The following DACH1 variants were observed in gnomAD, a reference collection of about 807,000 sequenced individuals.
DACH1 encodes the protein dachshund family transcription factor 1.
DACH1 carries 12 observed loss-of-function variants against 54.2 expected under a neutral mutation model. That is an observed-to-expected ratio of 0.22 (90% CI 0.14 to 0.36). The LOEUF is 0.36. Ranked by LOEUF, DACH1 falls within the 10% of genes least tolerant of loss-of-function variation. The pLI is 1.00. For missense variants in DACH1, 805 were observed against 929.8 expected (o/e 0.87, Z 1.75); for synonymous variants, 386 against 366.2 (o/e 1.05, Z -0.62).
intron 6 of DACH1, among the ~76,000 whole-genome samples, chr13:71,523,163 T>TAACA (rs1187487933): frequency 1.3e-5 from 2 of 152,112 alleles, no homozygotes; most frequent in African/African-American, 2.4e-5. Flanking sequence ...TATCAAATCC[T>TAACA]AACAGGTCAC....
intron 1 of DACH1, among the ~76,000 whole-genome samples, chr13:71,723,744 G>A (rs944039923): frequency 2.0e-5 from 3 of 152,130 alleles, no homozygotes; most frequent in African/African-American, 4.8e-5. Context: ...AGTCTGAAGT[G>A]CAGTGGTGCT....
chr13:71,563,810 A>C (rs1167354248), intron 4 of DACH1, among the ~76,000 whole-genome samples: 1 of 151,614 alleles, frequency 6.6e-6, no homozygotes, highest in South Asian at 2.1e-4. Flanking sequence ...AGAACAAAGG[A>C]TACAAAAACA....
chr13:71,846,537 C>G (rs1181076140), intron 1 of DACH1, among the ~76,000 whole-genome samples: 1 of 152,026 alleles, frequency 6.6e-6, no homozygotes, highest in African/African-American at 2.4e-5. Context: ...GGCTGAGGCC[C>G]GAGAATCACT....
intron 6 of DACH1, among the ~76,000 whole-genome samples, chr13:71,517,639 G>C (rs191592716): frequency 1.2e-3 from 189 of 151,978 alleles, no homozygotes; most frequent in African/African-American, 4.4e-3. Context: ...GTAGTCCAAT[G>C]TTCACTGGAA....
At chr13:71,609,490 T>A (rs1340870558) in intron 3 of DACH1, among the ~76,000 whole-genome samples, 1 of 152,194 alleles carries the variant, frequency 6.6e-6, no homozygotes, top group Non-Finnish European at 1.5e-5. Flanking sequence ...ATATTAGTCA[T>A]TTGTTTTAGT....
At chr13:71,453,418 A>G (rs2138121786) in intron 10 of DACH1, among the ~76,000 whole-genome samples, 1 of 152,268 alleles carries the variant, frequency 6.6e-6, no homozygotes, top group South Asian at 2.1e-4. Context: ...ATTCATTTCA[A>G]GCCTTTATAT....
chr13:71,584,875 A>G (rs1383865416), intron 3 of DACH1, among the ~76,000 whole-genome samples: 1 of 152,108 alleles, frequency 6.6e-6, no homozygotes, highest in Non-Finnish European at 1.5e-5. Flanking sequence ...ATGCAGTCAT[A>G]TAAACTAGCA....
intron 1 of DACH1, among the ~76,000 whole-genome samples, chr13:71,816,895 C>CTCAGG (rs1476107132): frequency 6.6e-6 from 1 of 151,884 alleles, no homozygotes; most frequent in Non-Finnish European, 1.5e-5. Context: ...AAACAACACA[C>CTCAGG]TCAGGTCTTT....
intron 3 of DACH1, among the ~76,000 whole-genome samples, chr13:71,606,942 A>G (rs1266191053): frequency 6.6e-6 from 1 of 152,018 alleles, no homozygotes; most frequent in African/African-American, 2.4e-5. Flanking sequence ...TGAAGTAGTG[A>G]GCCTTTTGAT....
chr13:71,559,640 T>A (rs1004218659), intron 5 of DACH1, among the ~76,000 whole-genome samples, 180 bp downstream of exon 5: 1 of 152,178 alleles, frequency 6.6e-6, no homozygotes, highest in African/African-American at 2.4e-5. Context: ...CCTGTTAATG[T>A]AGTATCATAC....
At chr13:71,471,904 A>G (rs947360377) in intron 10 of DACH1, among the ~76,000 whole-genome samples, 1 of 152,224 alleles carries the variant, frequency 6.6e-6, no homozygotes, top group Admixed American at 6.5e-5. Context: ...ATGTGCATAT[A>G]TATGTGTAGG....
chr13:71,499,959 A>G (rs966126343), intron 6 of DACH1, among the ~76,000 whole-genome samples: 4 of 152,156 alleles, frequency 2.6e-5, no homozygotes, highest in African/African-American at 9.7e-5. Context: ...TAAACATTCC[A>G]CAGCTCTAAA....
chr13:71,509,523 A>G (rs968710314), intron 6 of DACH1, among the ~76,000 whole-genome samples: 1 of 152,130 alleles, frequency 6.6e-6, no homozygotes, highest in Non-Finnish European at 1.5e-5. Flanking sequence ...GGAGTCAAAG[A>G]GGTGGTAAAA....
intron 1 of DACH1, among the ~76,000 whole-genome samples, chr13:71,847,753 A>G (rs1467625302): frequency 6.6e-6 from 1 of 152,180 alleles, no homozygotes; most frequent in Admixed American, 6.5e-5. Context: ...ACAACTTACT[A>G]AATTTCACAA....
chr13:71,801,738 A>G (rs904168273), intron 1 of DACH1, among the ~76,000 whole-genome samples: 1 of 152,108 alleles, frequency 6.6e-6, no homozygotes, highest in African/African-American at 2.4e-5. Flanking sequence ...CCCAGACTTT[A>G]AAACATAATT....
intron 6 of DACH1, among the ~76,000 whole-genome samples, chr13:71,496,358 T>G (rs1438605682): frequency 6.8e-6 from 1 of 147,554 alleles, no homozygotes; most frequent in Admixed American, 6.8e-5. Flanking sequence ...TGTGTATATA[T>G]ATAGACAAAA....
chr13:71,653,915 GA>G (rs539058257), intron 2 of DACH1, among the ~76,000 whole-genome samples: 6 of 150,220 alleles, frequency 4.0e-5, no homozygotes, highest in East Asian at 3.9e-4. Context: ...GTTCTCATCA[GA>G]AAAAAAAAGA....
intron 5 of DACH1, among the ~76,000 whole-genome samples, chr13:71,559,368 G>C (rs1448520335): frequency 6.6e-6 from 1 of 152,074 alleles, no homozygotes; most frequent in Non-Finnish European, 1.5e-5. Flanking sequence ...TTTAAGTTTA[G>C]TATTTTGAAT....
chr13:71,636,608 G>A (rs570777146), intron 2 of DACH1, among the ~76,000 whole-genome samples: 3 of 149,996 alleles, frequency 2.0e-5, no homozygotes, highest in African/African-American at 7.3e-5. Context: ...AATGGATTGA[G>A]AAAGGTTTCT....
Sources: allele counts gnomAD v4.1 joint callset (sites outside exome capture counted in the v4.1 genomes callset), GRCh38; gene constraint gnomAD v4.1.1; transcripts MANE v1.5; gene names NCBI Gene and HGNC (gene_info 2026-07-23, HGNC 2026-07-21).